CHIC1: variants seen among roughly 807,000 people sequenced by gnomAD.
The protein encoded by CHIC1 is cysteine-rich hydrophobic domain-containing protein 1.
Under a neutral mutation model 18.5 loss-of-function variants are expected in CHIC1, and 7 were observed. The observed-to-expected ratio is 0.38, with a 90% CI of 0.22 to 0.71. CHIC1 has a LOEUF of 0.71. Among genes scored for constraint, CHIC1 ranks in the 30% least tolerant of loss-of-function variants. The pLI is 0.49. For synonymous variants in CHIC1, 77 were observed against 73.5 expected, an observed-to-expected ratio of 1.05 and a Z score of -0.25; for missense variants, 159 against 176.9, an observed-to-expected ratio of 0.90 and a Z score of 0.57.
At chrX:73,678,666 C>T (rs1333808969) in intron 3 of CHIC1, among the ~76,000 whole-genome samples, 2 of 112,386 alleles carry the variant, frequency 1.8e-5, no homozygotes, top group African/African-American at 6.5e-5. Context: ...TTATGTACTC[C>T]TTACAAAATA....
rs754195598 is a variant in CHIC1 at position 73,659,590 on chromosome X, T to A, written c.508-19736T>A. 3.6e-5 allele frequency among the ~76,000 whole-genome samples: 4 copies of A among 110,741 alleles called. No homozygotes were observed. In the Admixed American group the frequency reaches 3.9e-4, roughly 11 times the overall value. ...CATGACACTTGCAATTTAAATTAGA[T>A]ATATTGTAATTAGTGATACAAGAGG... On this transcript the variant is annotated intron_variant, in intron 3 of 5. Coordinates refer to ENST00000373502, the MANE Select transcript of CHIC1 (RefSeq NM_001039840.4).
chrX:73,583,546 C>A (rs912137834), intron 2 of CHIC1, among the ~76,000 whole-genome samples: 1 of 111,361 alleles, frequency 9.0e-6, no homozygotes, highest in Non-Finnish European at 1.9e-5. Context: ...TATAGTCTGA[C>A]AGCTTTCTAA....
chrX:73,618,129 A>T (rs2057741541), intron 3 of CHIC1, among the ~76,000 whole-genome samples: 1 of 111,411 alleles, frequency 9.0e-6, no homozygotes. Flanking sequence ...TGTGACGTGA[A>T]CTGTCTTCAG....
chrX:73,669,152 C>T (rs749354564), intron 3 of CHIC1, among the ~76,000 whole-genome samples: 16 of 111,294 alleles, frequency 1.4e-4, no homozygotes, highest in Non-Finnish European at 2.6e-4. Context: ...CCCCTGTGTG[C>T]TTGGACTGTC....
At chrX:73,582,938 TGTTA>T (rs2057534614) in intron 2 of CHIC1, among the ~76,000 whole-genome samples, 1 of 110,899 alleles carries the variant, frequency 9.0e-6, no homozygotes, top group Non-Finnish European at 1.9e-5. Flanking sequence ...GCACTAAGTT[TGTTA>T]GTGTTTTCTA....
chrX:73,567,812 T>C (rs917054083), intron 1 of CHIC1, among the ~76,000 whole-genome samples: 1 of 109,538 alleles, frequency 9.1e-6, no homozygotes, highest in Non-Finnish European at 1.9e-5. Context: ...TTTTTTTTTT[T>C]AATCTCATTG....
intron 3 of CHIC1, among the ~76,000 whole-genome samples, chrX:73,600,303 T>C (rs1376455864): frequency 1.6e-4 from 15 of 96,510 alleles, no homozygotes; most frequent in Non-Finnish European, 3.0e-4. Flanking sequence ...ACTTCCTCTT[T>C]TCCTAATTGA....
Position 73,563,592 on chromosome X carries a change from G to T in CHIC1, c.296+12G>T. 2 of 1,056,986 alleles carry T rather than the reference G, an allele frequency of 1.9e-6. No individual in the cohort carries two copies. The highest frequency in any genetic ancestry group is 6.2e-5 in the South Asian group (2 of 32,184). The allele number at this position is 1,056,986 out of a possible 1,213,427, so 87.1% of individuals were successfully genotyped here. The stretch of plus-strand genomic sequence containing the variant: ...GGCCACATCACTGTGTAAGCGAGAG[G>T]GGGTCTTGGGACTTGAAATGCCTGA... On this transcript the variant is annotated intron_variant, in intron 1 of 5. Transcript: ENST00000373502.
Position 73,584,579 on chromosome X carries a change from A to G in CHIC1, c.507+7A>G, listed in dbSNP as rs1398488323. ...TATTTGTCTCAACAAAAGAGTGAGT[A>G]ACTGTTTTATTGTATAATAATAATA... On this transcript the variant is annotated splice_region_variant and intron_variant, in intron 3 of 5. Coordinates refer to ENST00000373502, the MANE Select transcript of CHIC1 (RefSeq NM_001039840.4). The G allele has an allele frequency of 8.9e-7, 1 of 1,124,867 alleles. No individual in the cohort carries two copies. Among genetic ancestry groups the G allele is most frequent in the East Asian group, 3.3e-5 (1 of 30,514 alleles). 92.7% of individuals were successfully genotyped at this position (1,124,867 alleles called of 1,213,427 possible). A position where few individuals can be genotyped will look rare whatever the true frequency, so the allele number is the denominator to read the frequency against.
chrX:73,663,342 G>A (rs1231037389), intron 3 of CHIC1, among the ~76,000 whole-genome samples: 2 of 111,073 alleles, frequency 1.8e-5, no homozygotes, highest in Non-Finnish European at 3.8e-5. Flanking sequence ...TACCCAAATT[G>A]GATCTTGAGA....
At chrX:73,672,545 T>G (rs1398392720) in intron 3 of CHIC1, among the ~76,000 whole-genome samples, 2 of 112,586 alleles carry the variant, frequency 1.8e-5, no homozygotes, top group African/African-American at 6.5e-5. Flanking sequence ...TTTCAAGTGT[T>G]TTTTGGCTGC....
chrX:73,630,104 G>A (rs982933450), intron 3 of CHIC1, among the ~76,000 whole-genome samples: 1 of 111,424 alleles, frequency 9.0e-6, no homozygotes, highest in African/African-American at 3.3e-5. Flanking sequence ...TGTTGTTTTT[G>A]TATTCAAACC....
chrX:73,646,444 T>G (rs1256324719), intron 3 of CHIC1, among the ~76,000 whole-genome samples: 11 of 112,330 alleles, frequency 9.8e-5, no homozygotes, highest in Middle Eastern at 4.6e-3. Flanking sequence ...AAATATAAAA[T>G]TGGAATTTTC....
intron 3 of CHIC1, among the ~76,000 whole-genome samples, chrX:73,649,475 C>T (rs1852207551): frequency 9.0e-6 from 1 of 111,039 alleles, no homozygotes; most frequent in South Asian, 3.8e-4. Flanking sequence ...AAGACACAGG[C>T]TCAAAATAAA....
At chrX:73,612,618 T>C (rs901456355) in intron 3 of CHIC1, among the ~76,000 whole-genome samples, 25 of 111,950 alleles carry the variant, frequency 2.2e-4, no homozygotes, top group East Asian at 1.4e-3. Context: ...CAGAGTTTCC[T>C]ACATTCCTCT....
intron 3 of CHIC1, among the ~76,000 whole-genome samples, chrX:73,588,576 C>T (rs1374063530): frequency 9.0e-6 from 1 of 110,741 alleles, no homozygotes; most frequent in African/African-American, 3.3e-5. Context: ...ATTTTCCTTC[C>T]CCTCAGGAAG....
chrX:73,662,429 A>G (rs1156343514), intron 3 of CHIC1, among the ~76,000 whole-genome samples: 1 of 103,200 alleles, frequency 9.7e-6, no homozygotes, highest in Non-Finnish European at 2.0e-5. Context: ...AAAAACAAAC[A>G]ACTGAACTGA....
chrX:73,597,139 C>T (rs61168441), intron 3 of CHIC1, among the ~76,000 whole-genome samples: 5,356 of 111,955 alleles, frequency 0.048, 320 homozygotes, highest in African/African-American at 0.16. Flanking sequence ...TGGAGATCCT[C>T]ATCAATGTGT....
chrX:73,629,643 G>A (rs985562051), intron 3 of CHIC1, among the ~76,000 whole-genome samples: 4 of 111,429 alleles, frequency 3.6e-5, no homozygotes, highest in Non-Finnish European at 7.5e-5. Flanking sequence ...GGCTCTGTTG[G>A]TGTATTTGTC....
Sources: gnomAD v4.1 joint callset for allele counts (sites outside exome capture counted in the v4.1 genomes callset) on GRCh38, gnomAD v4.1.1 for gene constraint, MANE v1.5 for transcripts, NCBI Gene and HGNC (gene_info 2026-07-23, HGNC 2026-07-21) for gene names.